Variants in NAGA observed in about 807,000 individuals in gnomAD.
NAGA encodes the protein alpha-N-acetylgalactosaminidase.
NAGA carries 42 observed loss-of-function variants against 45.6 expected under a neutral mutation model. That is an observed-to-expected ratio of 0.92 (90% CI 0.72 to 1.19). NAGA has a LOEUF of 1.19. Ranked by LOEUF, NAGA falls within the 50% of genes most tolerant of loss-of-function variation. The pLI, the probability that NAGA is intolerant of heterozygous loss-of-function variation, is 0.00. For synonymous variants in NAGA, 176 were observed against 203.1 expected (o/e 0.87, Z 1.13); for missense variants, 493 against 544.8 (o/e 0.90, Z 0.95).
rs372720391 is a variant in NAGA at position 42,067,097 on chromosome 22, C to T, written c.502+16G>A. Reference sequence around the variant, plus strand: ...TCCCCGTTTGCCTACGTGCCCCAGCCAGCTGCGTAACTCACCCTGGGCCCG... The same window carrying T: ...TCCCCGTTTGCCTACGTGCCCCAGCTAGCTGCGTAACTCACCCTGGGCCCG... On this transcript the variant is annotated intron_variant, in intron 4 of 8. Coordinates refer to ENST00000396398, the MANE Select transcript of NAGA (RefSeq NM_000262.3). The T allele has an allele frequency of 1.2e-5, 19 of 1,613,240 alleles. No individual in the cohort carries two copies. The highest frequency in any genetic ancestry group is 1.6e-5 in the Non-Finnish European group (19 of 1,179,948).
In NAGA at chr22:42,068,614, C is replaced by T. The variant is rs369372966; in HGVS notation, c.17-40G>A. ...AGGAGGGGATGGTGACTATCAGTTG[C>T]CCCCACAGCTCCAGCCCTCATCCCA... On this transcript the variant is annotated intron_variant, in intron 1 of 8. Coordinates refer to ENST00000396398, the MANE Select transcript of NAGA (RefSeq NM_000262.3). 553 of 1,611,882 alleles carry T rather than the reference C, an allele frequency of 3.4e-4. No homozygotes were observed. In the African/African-American group the frequency reaches 6.7e-3, roughly 20 times the overall value.
Position 42,067,766 on chromosome 22 carries a change from TAGTC to T in NAGA, c.319_322del (p.Asp107ThrfsTer7). ...GGGCAGGGCTGGGGTGCGGCTCACG[TAGTC>T]AGCCAGGAAAGGAATGCCATGAGGG... is the stretch of plus-strand genomic sequence containing the variant. On this transcript the variant is annotated frameshift_variant and splice_region_variant, in exon 3 of 9. Coordinates refer to ENST00000396398, the MANE Select transcript of NAGA (RefSeq NM_000262.3). LOFTEE classifies it high-confidence loss of function. 1 of 1,611,838 alleles carries T rather than the reference TAGTC, an allele frequency of 6.2e-7. No individual in the cohort carries two copies. The highest frequency in any genetic ancestry group is 8.5e-7 in the Non-Finnish European group (1 of 1,179,814).
In NAGA at chr22:42,060,266, A is replaced by G. The variant is rs566597505; in HGVS notation, c.*13T>C. The G allele has an allele frequency of 1.1e-5, 17 of 1,612,756 alleles. No homozygotes were observed. Among genetic ancestry groups the G allele is most frequent in the South Asian group, 5.5e-5 (5 of 91,018 alleles). ...CAGTGGTGCCACCACAGCCTGTCACATGTCCCAGCTCCTCACTGCTGGGAC... is the reference window on the plus strand; with the variant it reads ...CAGTGGTGCCACCACAGCCTGTCACGTGTCCCAGCTCCTCACTGCTGGGAC... On this transcript the variant is annotated 3_prime_UTR_variant, in exon 9 of 9. Transcript: ENST00000396398.
chr22:42,062,815 A>G lies in NAGA; in HGVS notation c.957+12T>C. On this transcript the variant is annotated intron_variant, in intron 7 of 8. Transcript: ENST00000396398. ...CTCAGCCCTCCCCTTCCTTCCCTCC[A>G]CACCCTAGTACCTTGTGAATCCTGC... 1.2e-6 allele frequency: 2 copies of G among 1,613,188 alleles called. No homozygotes were observed. Among genetic ancestry groups the G allele is most frequent in the Non-Finnish European group, 1.7e-6 (2 of 1,179,244 alleles).
chr22:42,059,896 T>G lies in NAGA; in HGVS notation c.*383A>C, dbSNP rs1602489324. ...CAATCACATGATCCATGGGCATTCC[T>G]GGCAAGAGGTCAGATCTCTCTACTC... On this transcript the variant is annotated 3_prime_UTR_variant, in exon 9 of 9. Transcript: ENST00000396398. 1 of 288,922 alleles carries G rather than the reference T, an allele frequency of 3.5e-6. No individual in the cohort carries two copies. The highest frequency in any genetic ancestry group is 8.1e-5 in the East Asian group (1 of 12,390). The allele number at this position is 288,922 out of a possible 1,614,324, so 17.9% of individuals were successfully genotyped here.
rs1926493813 is a variant in NAGA, at chr22:42,062,933, G to A, written c.851C>T (p.Thr284Ile). The part of the protein sequence containing the change: ...TVLAAPLLMS[T>I]DLRTISAQNM... The stretch of plus-strand genomic sequence containing the variant: ...CTGGGCGGAGATGGTACGCAGGTCT[G>A]TGGACATCAAGAGGGGGGCTGCCAG... Residue 284 changes from threonine (T) to isoleucine (I), a missense_variant, in exon 7 of 9, where the codon ACA (threonine) becomes ATA (isoleucine). Physicochemically the swap from Thr to Ile is moderately conservative, Grantham distance 89 (BLOSUM62 -1). Coordinates refer to ENST00000396398, the MANE Select transcript of NAGA (RefSeq NM_000262.3). 1 of 1,614,204 alleles carries A rather than the reference G, an allele frequency of 6.2e-7. No individual in the cohort carries two copies. Among genetic ancestry groups the A allele is most frequent in the Non-Finnish European group, 8.5e-7 (1 of 1,180,030 alleles).
intron 8 of NAGA, 53 bp from the exon 9 acceptor site, chr22:42,060,466 A>G: frequency 6.3e-7 from 1 of 1,599,402 alleles, no homozygotes; most frequent in Non-Finnish European, 8.5e-7. Context: ...CGGCACAGAG[A>G]CCCCCCCCGC....
Position 42,065,879 on chromosome 22 carries a change from C to T in NAGA, c.618G>A (p.Ala206=), listed in dbSNP as rs200770245. The T allele has an allele frequency of 1.6e-4, 252 of 1,614,092 alleles. No homozygotes were observed. The highest frequency in any genetic ancestry group is 3.7e-4 in the Admixed American group (22 of 60,018). The change falls in exon 6 of 9, where the codon GCG becomes GCA. Residue 206 remains alanine (A), a synonymous_variant. Coordinates refer to ENST00000396398, the MANE Select transcript of NAGA (RefSeq NM_000262.3). ...AGTTACGCCAGAGGTTGCAGATGTCCGCCAGCAGACTGTAGTTCACCTGGA... is the reference window on the plus strand; with the variant it reads ...AGTTACGCCAGAGGTTGCAGATGTCTGCCAGCAGACTGTAGTTCACCTGGA... The part of the protein sequence containing the change: ...LPPRVNYSLL[A]DICNLWRNYD...
At chr22:42,065,998 A>G (rs928118916) in intron 5 of NAGA, 99 bp from the exon 6 acceptor site, 104 of 1,447,100 alleles carry the variant, frequency 7.2e-5, no homozygotes, top group Admixed American at 1.9e-5. Context: ...AGAGACAGAG[A>G]GTGGGGAAGA....
rs1280045594 is a variant in NAGA at position 42,058,888 on chromosome 22, A to G, written c.*1391T>C. The G allele has an allele frequency of 6.6e-6, 1 of 152,288 alleles. No homozygotes were observed. Among genetic ancestry groups the G allele is most frequent in the Non-Finnish European group, 1.5e-5 (1 of 68,106 alleles). 9.4% of individuals were successfully genotyped at this position (152,288 alleles called of 1,614,324 possible). A position where few individuals can be genotyped will look rare whatever the true frequency, so the allele number is the denominator to read the frequency against. ...CTGGGATGAGGTAGGCTTCTGTCCT[A>G]AGTTTCTCAACAGCCTCAAGACATC... On this transcript the variant is annotated 3_prime_UTR_variant, in exon 9 of 9. Transcript: ENST00000396398.
Position 42,062,929 on chromosome 22 carries a change from G to T in NAGA, c.855C>A (p.Asp285Glu), listed in dbSNP as rs1602492555. ...TGTTCTGGGCGGAGATGGTACGCAGGTCTGTGGACATCAAGAGGGGGGCTG... is the reference window on the plus strand; with the variant it reads ...TGTTCTGGGCGGAGATGGTACGCAGTTCTGTGGACATCAAGAGGGGGGCTG... ...VLAAPLLMST[D>E]LRTISAQNMD... Residue 285 changes from aspartate (D) to glutamate (E), a missense_variant, in exon 7 of 9, where the codon GAC (aspartate) becomes GAA (glutamate). Transcript: ENST00000396398. The T allele has an allele frequency of 1.9e-6, 3 of 1,614,028 alleles. No homozygotes were observed. The highest frequency in any genetic ancestry group is 1.7e-6 in the Non-Finnish European group (2 of 1,180,006).
rs552773871 is a variant in NAGA, at chr22:42,059,661, C to T, written c.*618G>A. 1.4e-4 allele frequency: 22 copies of T among 154,700 alleles called. No individual in the cohort carries two copies. The highest frequency in any genetic ancestry group is 4.1e-4 in the African/African-American group (17 of 41,548). 9.6% of individuals were successfully genotyped at this position (154,700 alleles called of 1,614,324 possible). ...TCACTTTGGAAAAGGAGGGGCCAGA[C>T]GATGCCAGACATCATCCATAGAGGT... On this transcript the variant is annotated 3_prime_UTR_variant, in exon 9 of 9. Transcript: ENST00000396398.
At chr22:42,067,061 C>A in intron 4 of NAGA, 52 bp downstream of exon 4, 2 of 1,609,366 alleles carry the variant, frequency 1.2e-6, no homozygotes, top group Non-Finnish European at 8.5e-7. Flanking sequence ...GGTGGGTCTC[C>A]ATGGCCACCC....
intron 8 of NAGA, 54 bp from the exon 9 acceptor site, chr22:42,060,467 C>G: frequency 6.4e-7 from 1 of 1,570,682 alleles, no homozygotes; most frequent in Non-Finnish European, 8.6e-7. Flanking sequence ...GGCACAGAGA[C>G]CCCCCCCGCT....
chr22:42,066,018 A>C, intron 5 of NAGA, 119 bp from the exon 6 acceptor site: 1 of 1,306,152 alleles, frequency 7.7e-7, no homozygotes, highest in Non-Finnish European at 1.1e-6. Flanking sequence ...AGGGAAGAGA[A>C]CAGGCCCCAC....
intron 1 of NAGA, among the ~76,000 whole-genome samples, chr22:42,069,746 A>C (rs532191109): frequency 1.3e-5 from 2 of 152,190 alleles, no homozygotes; most frequent in Non-Finnish European, 2.9e-5. Flanking sequence ...ATACTGAAAC[A>C]CAGGTTGTAT....
In NAGA at chr22:42,060,985, A is replaced by G. The variant is rs140711222; in HGVS notation, c.1040T>C (p.Met347Thr). Residue 347 changes from methionine (M) to threonine (T), a missense_variant, in exon 8 of 9, where the codon ATG (methionine) becomes ACG (threonine). By Grantham distance (81) the Met-to-Thr change is moderately conservative (BLOSUM62 -1). Coordinates refer to ENST00000396398, the MANE Select transcript of NAGA (RefSeq NM_000262.3). ...AAGGGAGGAGTGGTAGCGATAAGGC[A>G]TATCGGTCCTGCAGCTGAAGAAGAC... ...ALVFFSCRTD[M>T]PYRYHSSLGQ... 6.2e-7 allele frequency: 1 copy of G among 1,614,108 alleles called. No individual in the cohort carries two copies. Among genetic ancestry groups the G allele is most frequent in the South Asian group, 1.1e-5 (1 of 91,092 alleles).
rs1224333300 is a variant in NAGA at position 42,062,811 on chromosome 22, C to T, written c.957+16G>A. On this transcript the variant is annotated intron_variant, in intron 7 of 8. Coordinates refer to ENST00000396398, the MANE Select transcript of NAGA (RefSeq NM_000262.3). ...GTTCCTCAGCCCTCCCCTTCCTTCC[C>T]TCCACACCCTAGTACCTTGTGAATC... 20 of 1,613,248 alleles carry T rather than the reference C, an allele frequency of 1.2e-5. No individual in the cohort carries two copies. Among genetic ancestry groups the T allele is most frequent in the Non-Finnish European group, 1.7e-5 (20 of 1,179,176 alleles).
rs578127376 is a variant in NAGA, at chr22:42,062,946, G to C, written c.838C>G (p.Leu280Val). The C allele has an allele frequency of 1.9e-6, 3 of 1,614,064 alleles. No individual in the cohort carries two copies. The highest frequency in any genetic ancestry group is 1.6e-4 in the Middle Eastern group (1 of 6,084). Reference sequence around the variant, plus strand: ...GTACGCAGGTCTGTGGACATCAAGAGGGGGGCTGCCAGCACCGTCCACAGG... The same window carrying C: ...GTACGCAGGTCTGTGGACATCAAGACGGGGGCTGCCAGCACCGTCCACAGG... ...MALWTVLAAPLLMSTDLRTIS... is the reference protein window; with the variant it reads ...MALWTVLAAPVLMSTDLRTIS... Residue 280 changes from leucine (L) to valine (V), a missense_variant, in exon 7 of 9, where the codon CTC (leucine) becomes GTC (valine). Leu to Val is a conservative substitution (Grantham distance 32, BLOSUM62 1). Coordinates refer to ENST00000396398, the MANE Select transcript of NAGA (RefSeq NM_000262.3).
Sources: gnomAD v4.1 joint callset for allele counts (sites outside exome capture counted in the v4.1 genomes callset) on GRCh38, gnomAD v4.1.1 for gene constraint, MANE v1.5 for transcripts, NCBI Gene and HGNC (gene_info 2026-07-23, HGNC 2026-07-21) for gene names.